CLEC16A: variants seen among roughly 807,000 people sequenced by gnomAD.
CLEC16A encodes the protein C-type lectin domain containing 16A.
CLEC16A carries 51 observed loss-of-function variants against 109.5 expected under a neutral mutation model. That is an observed-to-expected ratio of 0.47 (90% CI 0.37 to 0.59). The LOEUF is 0.59. CLEC16A is among the 20% of genes least tolerant of loss of function. The probability of loss-of-function intolerance (pLI) is 0.00; values close to 1 mark genes in which losing one functional copy is unlikely to be tolerated. For missense variants in CLEC16A, 1,339 were observed against 1,394.0 expected, an observed-to-expected ratio of 0.96 and a Z score of 0.63; for synonymous variants, 673 against 564.2, an observed-to-expected ratio of 1.19 and a Z score of -2.73.
At chr16:10,955,616 G>C (rs1346921325) in intron 1 of CLEC16A, among the ~76,000 whole-genome samples, 1 of 152,170 alleles carries the variant, frequency 6.6e-6, no homozygotes, top group Non-Finnish European at 1.5e-5. Flanking sequence ...GAAGTCATGT[G>C]GTCCTAAAGA....
At chr16:11,167,157 C>T (rs373004563) in intron 23 of CLEC16A, among the ~76,000 whole-genome samples, 1 of 152,136 alleles carries the variant, frequency 6.6e-6, no homozygotes, top group African/African-American at 2.4e-5. Context: ...TCCTCGTTCT[C>T]GGCTGCCGTG....
At chr16:10,977,498 G>C (rs1008762767) in intron 8 of CLEC16A, 99 bp downstream of exon 8, 10 of 1,104,684 alleles carry the variant, frequency 9.1e-6, no homozygotes, top group South Asian at 6.5e-5. Flanking sequence ...TGCAAATCAG[G>C]ACTGAGGTTT....
intron 12 of CLEC16A, among the ~76,000 whole-genome samples, chr16:11,023,922 C>T (rs1198930612): frequency 6.6e-6 from 1 of 152,192 alleles, no homozygotes; most frequent in East Asian, 1.9e-4. Flanking sequence ...ATTCTATTCT[C>T]CTGGTGTTGA....
chr16:10,983,402 G>A (rs1362216732), intron 10 of CLEC16A, among the ~76,000 whole-genome samples: 2 of 152,252 alleles, frequency 1.3e-5, no homozygotes, highest in African/African-American at 4.8e-5. Flanking sequence ...GAGAGTGTAT[G>A]CCACCTTGGC....
intron 22 of CLEC16A, among the ~76,000 whole-genome samples, chr16:11,164,048 C>T (rs892250063): frequency 2.6e-5 from 4 of 152,134 alleles, no homozygotes; most frequent in East Asian, 1.9e-4. Context: ...TTGGATTTGC[C>T]GGATGTTTGC....
At chr16:11,115,051 T>C (rs923342007) in intron 19 of CLEC16A, among the ~76,000 whole-genome samples, 4 of 152,170 alleles carry the variant, frequency 2.6e-5, no homozygotes, top group Non-Finnish European at 5.9e-5. Context: ...TTCTTTGTGG[T>C]GGAGGTGGCA....
chr16:11,009,166 T>C (rs867323058), intron 11 of CLEC16A, among the ~76,000 whole-genome samples: 49 of 152,372 alleles, frequency 3.2e-4, no homozygotes, highest in Middle Eastern at 6.8e-3. Context: ...AGGTCGTTTA[T>C]TCAAATGGAA....
In CLEC16A at chr16:11,170,739, A is replaced by G. The variant is rs375838978; in HGVS notation, c.2806+4187A>G. Among the ~76,000 whole-genome samples, 6 of 152,330 alleles carry G rather than the reference A, an allele frequency of 3.9e-5. No individual in the cohort carries two copies. The South Asian group carries it at 1.2e-3, about 32-fold the overall frequency. On this transcript the variant is annotated intron_variant, in intron 23 of 23. Coordinates refer to ENST00000409790, the MANE Select transcript of CLEC16A (RefSeq NM_015226.3). ...GCAAGCAGGATTAGGATAAGTCCCTACTGTGCACAGCATTCGGGATACAAT... is the reference window on the plus strand; with the variant it reads ...GCAAGCAGGATTAGGATAAGTCCCTGCTGTGCACAGCATTCGGGATACAAT...
intron 19 of CLEC16A, among the ~76,000 whole-genome samples, chr16:11,066,034 C>T (rs927860070): frequency 3.9e-5 from 6 of 152,132 alleles, no homozygotes; most frequent in South Asian, 2.1e-4. Flanking sequence ...TGCAGCAGGG[C>T]GGCGAGGAGC....
intron 10 of CLEC16A, among the ~76,000 whole-genome samples, chr16:10,994,165 C>G (rs780028166): frequency 6.6e-6 from 1 of 152,142 alleles, no homozygotes. Flanking sequence ...AGAAGAATGC[C>G]GTGTTCTCCT....
At chr16:11,153,714 G>C (rs1205323597) in intron 22 of CLEC16A, among the ~76,000 whole-genome samples, 1 of 151,910 alleles carries the variant, frequency 6.6e-6, no homozygotes, top group Non-Finnish European at 1.5e-5. Context: ...ATAAAATCAT[G>C]CTTAAGAATA....
intron 19 of CLEC16A, among the ~76,000 whole-genome samples, chr16:11,095,610 G>A (rs1247077308): frequency 2.0e-5 from 3 of 152,052 alleles, no homozygotes; most frequent in African/African-American, 7.2e-5. Flanking sequence ...TCAGGAGTTC[G>A]AAACCAGCCT....
intron 19 of CLEC16A, among the ~76,000 whole-genome samples, chr16:11,098,165 C>T (rs1463567350): frequency 2.6e-5 from 4 of 152,208 alleles, no homozygotes; most frequent in Non-Finnish European, 2.9e-5. Flanking sequence ...AGGGATTAAC[C>T]GAGGCCTCTG....
chr16:10,998,946 A>C (rs1013231403), intron 10 of CLEC16A, among the ~76,000 whole-genome samples: 2 of 152,350 alleles, frequency 1.3e-5, no homozygotes, highest in South Asian at 4.1e-4. Context: ...GCCAAATTCT[A>C]CCAGCCTCTG....
At chr16:11,007,597 G>A (rs1006308619) in intron 11 of CLEC16A, among the ~76,000 whole-genome samples, 15 of 152,198 alleles carry the variant, frequency 9.9e-5, no homozygotes, top group African/African-American at 2.4e-4. Context: ...ACACTGTAGC[G>A]TTCAGCATGT....
At chr16:11,060,818 A>G (rs949712207) in intron 18 of CLEC16A, 84 bp from the exon 19 acceptor site, 7 of 1,342,830 alleles carry the variant, frequency 5.2e-6, no homozygotes, top group Admixed American at 4.9e-5. Context: ...ATAGAGAGTC[A>G]TGGTGTCATT....
intron 10 of CLEC16A, among the ~76,000 whole-genome samples, chr16:10,988,299 A>G (rs1232398216): frequency 6.6e-6 from 1 of 151,936 alleles, no homozygotes; most frequent in Non-Finnish European, 1.5e-5. Context: ...TCATCTATTC[A>G]TCCATTCCTT....
At chr16:10,972,598 AC>A (rs1232911074) in intron 6 of CLEC16A, 39 bp downstream of exon 6, 1 of 1,563,406 alleles carries the variant, frequency 6.4e-7, no homozygotes, top group Non-Finnish European at 8.8e-7. Flanking sequence ...TTCTTAATCT[AC>A]CCTTATATGT....
chr16:10,950,796 T>G (rs1018400762), intron 1 of CLEC16A, among the ~76,000 whole-genome samples: 3 of 152,168 alleles, frequency 2.0e-5, no homozygotes, highest in African/African-American at 7.2e-5. Flanking sequence ...CCTGAGACAT[T>G]GTTATTTGGA....
Sources: allele counts gnomAD v4.1 joint callset (sites outside exome capture counted in the v4.1 genomes callset), GRCh38; gene constraint gnomAD v4.1.1; transcripts MANE v1.5; gene names NCBI Gene and HGNC (gene_info 2026-07-23, HGNC 2026-07-21).